The following CPPED1 variants were observed in gnomAD, a reference collection of about 807,000 sequenced individuals.
The protein encoded by CPPED1 is calcineurin like phosphoesterase domain containing 1, also known as serine/threonine-protein phosphatase CPPED1.
In CPPED1, 28 loss-of-function variants were observed where a neutral mutation model predicts 28.0. That is an observed-to-expected ratio of 1.00 (90% CI 0.74 to 1.37). The LOEUF (loss-of-function observed/expected upper bound fraction) is 1.37. Among genes scored for constraint, CPPED1 ranks in the 40% most tolerant of loss-of-function variants. The pLI, the probability that CPPED1 is intolerant of heterozygous loss-of-function variation, is 0.00. For missense variants in CPPED1, 504 were observed against 416.5 expected (o/e 1.21, Z -1.83); for synonymous variants, 198 against 180.2 (o/e 1.10, Z -0.79).
intron 2 of CPPED1, chr16:12,757,774 A>G (rs908171007): frequency 6.7e-6 from 1 of 149,512 alleles, no homozygotes; most frequent in Non-Finnish European, 1.5e-5. Flanking sequence ...GCAGGCTGTC[A>G]CATGTTGCCA....
intron 2 of CPPED1, among the ~76,000 whole-genome samples, chr16:12,715,595 G>C (rs917523684): frequency 6.6e-6 from 1 of 152,204 alleles, no homozygotes; most frequent in African/African-American, 2.4e-5. Context: ...GGGAGGTGGA[G>C]GTTGCAGTGA....
At chr16:12,686,497 G>C (rs1333996475) in intron 3 of CPPED1, among the ~76,000 whole-genome samples, 1 of 152,204 alleles carries the variant, frequency 6.6e-6, no homozygotes, top group Non-Finnish European at 1.5e-5. Flanking sequence ...GACTCCATTA[G>C]AATACAGTTT....
At chr16:12,694,567 T>C (rs1341437076) in intron 3 of CPPED1, among the ~76,000 whole-genome samples, 1 of 152,052 alleles carries the variant, frequency 6.6e-6, no homozygotes, top group Non-Finnish European at 1.5e-5. Flanking sequence ...ATTAAATGAC[T>C]AGTGTGTGAT....
chr16:12,736,813 G>A (rs544019676), intron 2 of CPPED1, among the ~76,000 whole-genome samples: 1 of 152,298 alleles, frequency 6.6e-6, no homozygotes, highest in East Asian at 1.9e-4. Context: ...GGTAAAGCAG[G>A]CAGTATATTA....
intron 3 of CPPED1, among the ~76,000 whole-genome samples, chr16:12,684,945 A>C (rs1173515285): frequency 6.6e-6 from 1 of 152,196 alleles, no homozygotes; most frequent in African/African-American, 2.4e-5. Flanking sequence ...CTTCGTTGAT[A>C]TTATCAAAGG....
intron 2 of CPPED1, chr16:12,760,972 C>A (rs1385139042): frequency 6.6e-6 from 1 of 152,204 alleles, no homozygotes; most frequent in Non-Finnish European, 1.5e-5. Context: ...ATCCAAAGGG[C>A]ATCTTAGGCT....
At chr16:12,783,014 G>C (rs1281473274) in intron 1 of CPPED1, among the ~76,000 whole-genome samples, 2 of 152,142 alleles carry the variant, frequency 1.3e-5, no homozygotes, top group Non-Finnish European at 2.9e-5. Context: ...TGTCTATTGA[G>C]TATCATACTG....
At chr16:12,679,526 C>T (rs1237105825) in intron 3 of CPPED1, among the ~76,000 whole-genome samples, 3 of 152,122 alleles carry the variant, frequency 2.0e-5, no homozygotes, top group Non-Finnish European at 4.4e-5. Flanking sequence ...GTGTATACTA[C>T]TATATATGTT....
chr16:12,755,862 G>A (rs1049191110), intron 2 of CPPED1, among the ~76,000 whole-genome samples: 4 of 152,160 alleles, frequency 2.6e-5, no homozygotes, highest in African/African-American at 9.7e-5. Flanking sequence ...GCTGGGTACG[G>A]TGGCTCACGC....
intron 2 of CPPED1, among the ~76,000 whole-genome samples, chr16:12,777,472 A>G (rs2080504307): frequency 6.6e-6 from 1 of 152,220 alleles, no homozygotes; most frequent in East Asian, 1.9e-4. Context: ...ATGAAAATCA[A>G]TGGGTCTCAG....
chr16:12,771,664 G>T (rs576351816), intron 2 of CPPED1, among the ~76,000 whole-genome samples: 22 of 152,234 alleles, frequency 1.4e-4, no homozygotes, highest in Admixed American at 6.5e-4. Flanking sequence ...ATGTTCATGG[G>T]TTTGTGTCTG....
At chr16:12,696,107 A>C (rs1337322018) in intron 3 of CPPED1, among the ~76,000 whole-genome samples, 1 of 152,182 alleles carries the variant, frequency 6.6e-6, no homozygotes, top group African/African-American at 2.4e-5. Flanking sequence ...CTTCCCGCAT[A>C]TCCCAGGAGC....
chr16:12,703,542 C>T (rs1046721096), intron 3 of CPPED1, among the ~76,000 whole-genome samples: 10 of 151,996 alleles, frequency 6.6e-5, no homozygotes, highest in South Asian at 2.1e-4. Context: ...ATTAGCCAGG[C>T]GTGGTGGTCA....
chr16:12,737,578 C>A (rs1426982667), intron 2 of CPPED1, among the ~76,000 whole-genome samples: 1 of 152,216 alleles, frequency 6.6e-6, no homozygotes, highest in African/African-American at 2.4e-5. Context: ...GTTTGAATAA[C>A]CTCTCTGGCT....
Position 12,758,980 on chromosome 16 carries a change from C to T in CPPED1, c.289+22205G>A, listed in dbSNP as rs529355803. 8.4e-4 allele frequency among the ~76,000 whole-genome samples: 127 copies of T among 151,612 alleles called. 1 individual carries two copies. The Middle Eastern group carries it at 0.014, about 16-fold the overall frequency. ...GAGTCTGAGACCAGTCTGGGCAACA[C>T]GGCAAGACCCCATCCCTACAAAAAA... On this transcript the variant is annotated intron_variant, in intron 2 of 3. Transcript: ENST00000381774.
At position 12,660,912 on chromosome 16, in the gene CPPED1, A is replaced by C. The variant is rs2079790659; in HGVS notation, c.*3974T>G. 1 of 152,520 alleles carries C rather than the reference A, an allele frequency of 6.6e-6. No individual in the cohort carries two copies. Among genetic ancestry groups the C allele is most frequent in the South Asian group, 2.1e-4 (1 of 4,832 alleles). The allele number at this position is 152,520 out of a possible 1,614,324, so 9.4% of individuals were successfully genotyped here. On this transcript the variant is annotated 3_prime_UTR_variant, in exon 4 of 4. Transcript: ENST00000381774. ...AGGACTGCTTGGGGCCAGGAGTTCA[A>C]GACCAGCCTGGGTAACAGAGCAAGA...
intron 2 of CPPED1, among the ~76,000 whole-genome samples, chr16:12,770,874 G>GAAAGA (rs139828391): frequency 1.6e-5 from 2 of 127,488 alleles, no homozygotes; most frequent in Non-Finnish European, 1.6e-5. Context: ...GAAAGGAAAG[G>GAAAGA]AAAGGAAAGG....
intron 3 of CPPED1, among the ~76,000 whole-genome samples, chr16:12,674,007 C>G (rs1377744123): frequency 6.6e-6 from 1 of 152,040 alleles, no homozygotes; most frequent in Non-Finnish European, 1.5e-5. Flanking sequence ...TATGGTTGCA[C>G]CACTGCACTC....
chr16:12,712,817 T>C (rs2080086993), intron 2 of CPPED1, among the ~76,000 whole-genome samples: 1 of 152,188 alleles, frequency 6.6e-6, no homozygotes. Flanking sequence ...CTGTTAATAG[T>C]ACCTGTCTGT....
Sources: gnomAD v4.1 joint callset for allele counts (sites outside exome capture counted in the v4.1 genomes callset) on GRCh38, gnomAD v4.1.1 for gene constraint, MANE v1.5 for transcripts, NCBI Gene and HGNC (gene_info 2026-07-23, HGNC 2026-07-21) for gene names.